The following PSMD14 variants were observed in gnomAD, a reference collection of about 807,000 sequenced individuals.
The protein encoded by PSMD14 is ubiquitin C-terminal hydrolase PSMD14.
In PSMD14, 7 loss-of-function variants were observed where a neutral mutation model predicts 41.2. The observed-to-expected ratio is 0.17, with a 90% CI of 0.10 to 0.32. PSMD14 has a LOEUF of 0.32. Ranked by LOEUF, PSMD14 falls within the 10% of genes least tolerant of loss-of-function variation. The pLI is 1.00. For synonymous variants in PSMD14, 114 were observed against 122.3 expected (o/e 0.93, Z 0.45); for missense variants, 139 against 375.6 (o/e 0.37, Z 5.21).
At chr2:161,324,828 T>C (rs1363416712) in intron 3 of PSMD14, among the ~76,000 whole-genome samples, 1 of 152,156 alleles carries the variant, frequency 6.6e-6, no homozygotes, top group African/African-American at 2.4e-5. Context: ...CAGGATTATA[T>C]TTTTCTGTCA....
At chr2:161,410,344 A>G (rs1430896565) in intron 11 of PSMD14, among the ~76,000 whole-genome samples, 2 of 152,104 alleles carry the variant, frequency 1.3e-5, no homozygotes, top group Non-Finnish European at 2.9e-5. Context: ...AATAAGGGTT[A>G]GAAAAGCATG....
chr2:161,394,454 T>C (rs1029029972), intron 9 of PSMD14, among the ~76,000 whole-genome samples: 1 of 152,162 alleles, frequency 6.6e-6, no homozygotes, highest in Non-Finnish European at 1.5e-5. Context: ...TGACACAAGG[T>C]CACTCAATAA....
chr2:161,328,065 A>G (rs1682728983), intron 3 of PSMD14, among the ~76,000 whole-genome samples: 1 of 151,656 alleles, frequency 6.6e-6, no homozygotes, highest in South Asian at 2.1e-4. Flanking sequence ...TTAAATGGAC[A>G]CACCATATGT....
At chr2:161,409,013 G>C (rs1683991622) in intron 11 of PSMD14, 114 bp downstream of exon 11, 2 of 763,302 alleles carry the variant, frequency 2.6e-6, no homozygotes, top group Admixed American at 2.8e-5. Flanking sequence ...TTTTTCTTCT[G>C]TCATGTAAAT....
At chr2:161,345,034 C>T (rs1020626079) in intron 3 of PSMD14, among the ~76,000 whole-genome samples, 7 of 151,984 alleles carry the variant, frequency 4.6e-5, no homozygotes, top group South Asian at 2.1e-4. Context: ...TATTGAGTTC[C>T]GTGATCCATT....
At chr2:161,327,587 A>C (rs922810165) in intron 3 of PSMD14, among the ~76,000 whole-genome samples, 6 of 152,098 alleles carry the variant, frequency 3.9e-5, no homozygotes, top group African/African-American at 1.4e-4. Context: ...GGAAAGCACA[A>C]CTCAAAAGAT....
At chr2:161,361,395 A>C (rs1683287728) in intron 3 of PSMD14, among the ~76,000 whole-genome samples, 1 of 152,202 alleles carries the variant, frequency 6.6e-6, no homozygotes, top group Admixed American at 6.5e-5. Context: ...AATTAGCCAC[A>C]GAACAGCCTC....
At chr2:161,408,603 A>G (rs1574145522) in intron 10 of PSMD14, 1 of 440,366 alleles carries the variant, frequency 2.3e-6, no homozygotes, top group Non-Finnish European at 4.2e-6. Context: ...ATCCTGTTTG[A>G]TATTTTCAAT....
chr2:161,339,665 G>A (rs1682921939), intron 3 of PSMD14, among the ~76,000 whole-genome samples: 1 of 152,242 alleles, frequency 6.6e-6, no homozygotes, highest in Non-Finnish European at 1.5e-5. Context: ...GGGAGTCAAC[G>A]ACCTATTGTA....
At chr2:161,350,636 C>G (rs1178074876) in intron 3 of PSMD14, among the ~76,000 whole-genome samples, 1 of 152,108 alleles carries the variant, frequency 6.6e-6, no homozygotes, top group Non-Finnish European at 1.5e-5. Context: ...GAGGAGATCT[C>G]AGATCATTTC....
chr2:161,377,133 T>C (rs1011610250), intron 7 of PSMD14, among the ~76,000 whole-genome samples: 3 of 151,960 alleles, frequency 2.0e-5, no homozygotes, highest in African/African-American at 7.2e-5. Flanking sequence ...GGAAAAGATA[T>C]TTAGCATAGC....
chr2:161,409,762 A>G (rs932824076), intron 11 of PSMD14: 2 of 152,150 alleles, frequency 1.3e-5, no homozygotes, highest in African/African-American at 4.8e-5. Flanking sequence ...TGACTTTATC[A>G]TATGTCATAA....
At chr2:161,308,918 C>T (rs1689056606) in intron 1 of PSMD14, 1 of 152,172 alleles carries the variant, frequency 6.6e-6, no homozygotes. Context: ...AGTTGTTAAC[C>T]GGTCTGCTTT....
chr2:161,353,559 T>C lies in PSMD14; in HGVS notation c.49-13919T>C, dbSNP rs534433011. Among the ~76,000 whole-genome samples, 5 of 152,334 alleles carry C rather than the reference T, an allele frequency of 3.3e-5. No homozygotes were observed. The South Asian group carries it at 8.3e-4, about 25-fold the overall frequency. On this transcript the variant is annotated intron_variant, in intron 3 of 11. Transcript: ENST00000409682. ...TTATCTTCCCAGAATGCCTTTTCCC[T>C]CCCTCCCCCTTTTCTTACTTGGAAA...
intron 3 of PSMD14, among the ~76,000 whole-genome samples, chr2:161,322,202 C>G (rs1248809020): frequency 6.6e-6 from 1 of 152,158 alleles, no homozygotes; most frequent in African/African-American, 2.4e-5. Context: ...GACTTGTTTT[C>G]AGCCTTGACT....
At chr2:161,326,016 C>G (rs1263129921) in intron 3 of PSMD14, among the ~76,000 whole-genome samples, 1 of 152,086 alleles carries the variant, frequency 6.6e-6, no homozygotes, top group Non-Finnish European at 1.5e-5. Flanking sequence ...GATTGAATAT[C>G]TAAATATGAA....
intron 9 of PSMD14, among the ~76,000 whole-genome samples, chr2:161,393,971 A>ATTTTT (rs11452254): frequency 3.0e-5 from 3 of 100,878 alleles, no homozygotes; most frequent in Admixed American, 1.4e-4. Flanking sequence ...ACACTAGATA[A>ATTTTT]TTTTTTTTTT....
At chr2:161,338,486 A>G (rs1048947988) in intron 3 of PSMD14, among the ~76,000 whole-genome samples, 3 of 151,064 alleles carry the variant, frequency 2.0e-5, no homozygotes, top group Admixed American at 6.6e-5. Context: ...CCTTTTTTCT[A>G]CTCTTTTAGA....
intron 8 of PSMD14, among the ~76,000 whole-genome samples, chr2:161,385,796 C>G (rs1683627544): frequency 6.6e-6 from 1 of 151,540 alleles, no homozygotes; most frequent in Admixed American, 6.6e-5. Flanking sequence ...TTGAGGACCC[C>G]CTTTTTGGGA....
Sources: gnomAD v4.1 joint callset for allele counts (sites outside exome capture counted in the v4.1 genomes callset) on GRCh38, gnomAD v4.1.1 for gene constraint, MANE v1.5 for transcripts, NCBI Gene and HGNC (gene_info 2026-07-23, HGNC 2026-07-21) for gene names.